Variants in GRM7 observed in about 807,000 individuals in gnomAD.
GRM7 encodes the protein glutamate metabotropic receptor 7, also known as metabotropic glutamate receptor 7.
A neutral mutation model predicts 84.5 loss-of-function variants in GRM7; 35 were observed. The ratio of observed to expected loss-of-function variants is 0.41; its 90% confidence interval spans 0.32 to 0.55. GRM7 has a LOEUF of 0.55. Among genes scored for constraint, GRM7 ranks in the 20% least tolerant of loss-of-function variants. The pLI, the probability that GRM7 is intolerant of heterozygous loss-of-function variation, is 0.19. For synonymous variants in GRM7, 487 were observed against 455.1 expected (o/e 1.07, Z -0.89); for missense variants, 1,003 against 1,194.6 (o/e 0.84, Z 2.36).
At chr3:7,008,558 A>C (rs1174919961) in intron 1 of GRM7, among the ~76,000 whole-genome samples, 2 of 152,246 alleles carry the variant, frequency 1.3e-5, no homozygotes, top group African/African-American at 4.8e-5. Context: ...TCCAACAAAC[A>C]AAAAGAAACA....
chr3:7,470,872 A>G (rs1223341607), intron 7 of GRM7, among the ~76,000 whole-genome samples: 3 of 152,108 alleles, frequency 2.0e-5, no homozygotes, highest in Non-Finnish European at 4.4e-5. Flanking sequence ...AAGCCAAAAA[A>G]TTCTAGAATG....
intron 1 of GRM7, among the ~76,000 whole-genome samples, chr3:6,894,208 A>G (rs1476071369): frequency 6.6e-6 from 1 of 152,142 alleles, no homozygotes; most frequent in Non-Finnish European, 1.5e-5. Flanking sequence ...CCCCCTTGTT[A>G]CATTGAGATT....
rs764083556 is a variant in GRM7, at chr3:7,188,914, A to G, written c.736+42246A>G. On this transcript the variant is annotated intron_variant, in intron 2 of 9. Coordinates refer to ENST00000357716, the MANE Select transcript of GRM7 (RefSeq NM_000844.4). This position sits in a 1 kb window ranked among gnomAD's most constrained non-coding sequence, Gnocchi z 4.2. Reference sequence around the variant, plus strand: ...TAAAGAAATGCACAAATATTGTATTAAGTTTCTATTGTCAATAGCTGGATG... The same window carrying G: ...TAAAGAAATGCACAAATATTGTATTGAGTTTCTATTGTCAATAGCTGGATG... Among the ~76,000 whole-genome samples the G allele has an allele frequency of 2.5e-4, 38 of 152,332 alleles. No individual in the cohort carries two copies. The highest frequency in any genetic ancestry group is 3.4e-3 in the Middle Eastern group (1 of 294).
intron 1 of GRM7, among the ~76,000 whole-genome samples, chr3:7,111,829 T>C (rs1574918870): frequency 6.6e-6 from 1 of 152,192 alleles, no homozygotes; most frequent in Non-Finnish European, 1.5e-5. Context: ...CATAGCCTCA[T>C]TTCTTTTTCT....
chr3:7,728,574 C>T (rs750189174), intron 9 of GRM7, among the ~76,000 whole-genome samples: 4 of 152,094 alleles, frequency 2.6e-5, no homozygotes, highest in Admixed American at 6.5e-5. Context: ...TTTACTCAAC[C>T]CAAGATGGGT....
intron 1 of GRM7, among the ~76,000 whole-genome samples, chr3:6,881,922 T>TGTGTGTGTGTGTGTGA (rs1695527880): frequency 8.3e-4 from 2 of 2,420 alleles, no homozygotes; most frequent in African/African-American, 3.1e-3. Context: ...GCAATTGAAT[T>TGTGTGTGTGTGTGTGA]GTGTGTGTGT....
intron 7 of GRM7, among the ~76,000 whole-genome samples, chr3:7,560,853 T>A (rs111226160): frequency 9.7e-4 from 147 of 152,288 alleles, no homozygotes; most frequent in African/African-American, 3.4e-3. Context: ...TATAATACAT[T>A]TTATTAATTT....
chr3:7,225,714 G>A (rs975711819), intron 2 of GRM7, among the ~76,000 whole-genome samples: 6 of 151,738 alleles, frequency 4.0e-5, no homozygotes, highest in African/African-American at 1.5e-4. Context: ...TGTACATTAA[G>A]TAGAAGTACA....
At chr3:7,405,453 C>T (rs1003820361) in intron 4 of GRM7, among the ~76,000 whole-genome samples, 2 of 152,142 alleles carry the variant, frequency 1.3e-5, no homozygotes, top group Admixed American at 6.5e-5. Context: ...TATTCATCCA[C>T]TCAAACATGT....
At chr3:7,344,375 A>G (rs576483011) in intron 4 of GRM7, among the ~76,000 whole-genome samples, 2 of 152,242 alleles carry the variant, frequency 1.3e-5, no homozygotes, top group Admixed American at 6.5e-5. Flanking sequence ...TTAGTTTGCT[A>G]AAGATAATGG....
intron 7 of GRM7, among the ~76,000 whole-genome samples, chr3:7,556,076 C>T (rs1298938411): frequency 6.6e-6 from 1 of 152,100 alleles, no homozygotes; most frequent in Non-Finnish European, 1.5e-5. Flanking sequence ...TTATTTCTCA[C>T]AGAAGTCCAA....
chr3:7,371,297 A>G (rs1270349315), intron 4 of GRM7, among the ~76,000 whole-genome samples: 1 of 152,194 alleles, frequency 6.6e-6, no homozygotes, highest in Non-Finnish European at 1.5e-5. Context: ...TGTAGCAGGC[A>G]GTTTGCAGAC....
chr3:7,298,893 C>T (rs1185430652), intron 3 of GRM7, 68 bp downstream of exon 3: 1 of 1,359,536 alleles, frequency 7.4e-7, no homozygotes, highest in African/African-American at 1.4e-5. Flanking sequence ...GATTAGGCTG[C>T]TGGCTGAGAC....
At chr3:6,947,861 T>A (rs2125065010) in intron 1 of GRM7, among the ~76,000 whole-genome samples, 1 of 152,370 alleles carries the variant, frequency 6.6e-6, no homozygotes, top group African/African-American at 2.4e-5. Context: ...TATAGTGTTC[T>A]CTGATGGTAG....
intron 1 of GRM7, among the ~76,000 whole-genome samples, chr3:7,088,173 G>A (rs1698529826): frequency 6.6e-6 from 1 of 152,150 alleles, no homozygotes; most frequent in Admixed American, 6.5e-5. Context: ...AGCCGTCTAA[G>A]CTTCAGTACC....
chr3:7,646,234 C>G (rs1370484834), intron 8 of GRM7, among the ~76,000 whole-genome samples: 2 of 152,086 alleles, frequency 1.3e-5, no homozygotes, highest in African/African-American at 4.8e-5. Flanking sequence ...CTCTGTTGCC[C>G]AGGCTGGAGT....
chr3:6,862,912 T>A lies in GRM7; in HGVS notation c.519+1005T>A. On this transcript the variant is annotated intron_variant, in intron 1 of 9. Coordinates refer to ENST00000357716, the MANE Select transcript of GRM7 (RefSeq NM_000844.4). The surrounding 1 kb of genome is among the most constrained non-coding windows in gnomAD (Gnocchi z 5.2). The stretch of plus-strand genomic sequence containing the variant: ...GGAGAAAAAATGGGAGGAAGGCGGA[T>A]CCGGGGCCGCTGAGCGGTGGGTTCT... The A allele has an allele frequency of 2.3e-6, 1 of 430,698 alleles. No individual in the cohort carries two copies. The highest frequency in any genetic ancestry group is 1.6e-5 in the South Asian group (1 of 60,892). The allele number at this position is 430,698 out of a possible 1,614,324, so 26.7% of individuals were successfully genotyped here. A position where few individuals can be genotyped will look rare whatever the true frequency, so the allele number is the denominator to read the frequency against.
chr3:7,628,435 C>T (rs1213207633), intron 8 of GRM7, among the ~76,000 whole-genome samples: 4 of 152,204 alleles, frequency 2.6e-5, no homozygotes, highest in Non-Finnish European at 5.9e-5. Flanking sequence ...AAACTAGTCT[C>T]CTGCCTTCTC....
chr3:6,972,032 A>G (rs909425296), intron 1 of GRM7, among the ~76,000 whole-genome samples: 2 of 152,178 alleles, frequency 1.3e-5, no homozygotes, highest in African/African-American at 4.8e-5. Context: ...CTTAATTTTC[A>G]CACAACTTAG....
Sources: gnomAD v4.1 joint callset for allele counts (sites outside exome capture counted in the v4.1 genomes callset) on GRCh38, gnomAD v4.1.1 for gene constraint, Gnocchi (gnomAD v3.1) non-coding constraint, MANE v1.5 for transcripts, NCBI Gene and HGNC (gene_info 2026-07-23, HGNC 2026-07-21) for gene names.